Variants in ALK observed in about 807,000 individuals in gnomAD.
ALK encodes ALK receptor tyrosine kinase.
A neutral mutation model predicts 163.1 loss-of-function variants in ALK; 74 were observed. That is an observed-to-expected ratio of 0.45 (90% CI 0.38 to 0.55). ALK has a LOEUF of 0.55. Ranked by LOEUF, ALK falls within the 20% of genes least tolerant of loss-of-function variation. The pLI, the probability that ALK is intolerant of heterozygous loss-of-function variation, is 0.00. For missense variants in ALK, 2,063 were observed against 2,105.3 expected (o/e 0.98, Z 0.39); for synonymous variants, 960 against 843.2 (o/e 1.14, Z -2.40).
intron 1 of ALK, among the ~76,000 whole-genome samples, chr2:29,915,047 C>G (rs1217835510): frequency 6.6e-6 from 1 of 152,126 alleles, no homozygotes; most frequent in Non-Finnish European, 1.5e-5. Context: ...TTCCAAATAA[C>G]CATAACAGGA....
intron 1 of ALK, among the ~76,000 whole-genome samples, chr2:29,804,253 T>C (rs1025051944): frequency 6.6e-6 from 1 of 152,244 alleles, no homozygotes; most frequent in African/African-American, 2.4e-5. Flanking sequence ...CTGTTGCCAC[T>C]GGCCCCACAG....
At chr2:29,452,906 C>T (rs1267170721) in intron 4 of ALK, among the ~76,000 whole-genome samples, 1 of 152,084 alleles carries the variant, frequency 6.6e-6, no homozygotes, top group Admixed American at 6.6e-5. Flanking sequence ...AAATACCTGG[C>T]GATTCTATTC....
At chr2:29,546,333 C>T (rs536774323) in intron 3 of ALK, among the ~76,000 whole-genome samples, 2 of 152,230 alleles carry the variant, frequency 1.3e-5, no homozygotes, top group East Asian at 3.9e-4. Flanking sequence ...AAAGGCAAAG[C>T]AAATAAATAG....
At chr2:29,866,824 C>CAATT in intron 1 of ALK, among the ~76,000 whole-genome samples, 1 of 152,286 alleles carries the variant, frequency 6.6e-6, no homozygotes, top group Admixed American at 6.5e-5. Context: ...GGAAACTCCA[C>CAATT]AATTCTGCAT....
intron 3 of ALK, among the ~76,000 whole-genome samples, chr2:29,573,241 C>T (rs567348296): frequency 1.3e-5 from 2 of 152,298 alleles, no homozygotes; most frequent in Non-Finnish European, 2.9e-5. Context: ...TGGCTGATTA[C>T]CTGTTGCTTG....
At chr2:29,757,591 G>T (rs146462168) in intron 1 of ALK, among the ~76,000 whole-genome samples, 1 of 78,500 alleles carries the variant, frequency 1.3e-5, no homozygotes, top group African/African-American at 3.9e-5. Context: ...GTTTTTGTTT[G>T]TTTGTGTGTG....
At chr2:29,649,860 T>G (rs573793851) in intron 3 of ALK, among the ~76,000 whole-genome samples, 14 of 152,292 alleles carry the variant, frequency 9.2e-5, no homozygotes, top group African/African-American at 3.4e-4. Flanking sequence ...CCTGCTTTCC[T>G]CCCTGGCTAG....
chr2:29,730,194 G>C (rs1679701590), intron 1 of ALK, among the ~76,000 whole-genome samples: 1 of 152,156 alleles, frequency 6.6e-6, no homozygotes, highest in Non-Finnish European at 1.5e-5. Context: ...AGGCCTACGG[G>C]GATTTGGGAG....
At chr2:29,394,250 AT>A (rs1260507382) in intron 4 of ALK, among the ~76,000 whole-genome samples, 1 of 152,102 alleles carries the variant, frequency 6.6e-6, no homozygotes, top group East Asian at 1.9e-4. Flanking sequence ...TGTATAAAAA[AT>A]ATATAGAAGA....
chr2:29,567,495 C>A (rs1303862135), intron 3 of ALK, among the ~76,000 whole-genome samples: 1 of 152,180 alleles, frequency 6.6e-6, no homozygotes, highest in Non-Finnish European at 1.5e-5. Context: ...ATTGACACAG[C>A]TTTTGTCTAC....
At chr2:29,381,066 G>A (rs1419438353) in intron 5 of ALK, among the ~76,000 whole-genome samples, 1 of 152,214 alleles carries the variant, frequency 6.6e-6, no homozygotes, top group Non-Finnish European at 1.5e-5. Flanking sequence ...TTCCACAAAG[G>A]CAGCAGAGGC....
chr2:29,806,657 A>G (rs749382380), intron 1 of ALK, among the ~76,000 whole-genome samples: 1 of 152,156 alleles, frequency 6.6e-6, no homozygotes, highest in Non-Finnish European at 1.5e-5. Context: ...GGGTTTGTCA[A>G]AATAGATTGG....
intron 3 of ALK, among the ~76,000 whole-genome samples, chr2:29,584,171 G>A (rs1172968130): frequency 5.9e-5 from 9 of 152,038 alleles, no homozygotes; most frequent in Non-Finnish European, 8.8e-5. Context: ...GGAGACCCTA[G>A]GAAACATCTT....
At chr2:29,917,930 C>T (rs1263961290) in intron 1 of ALK, among the ~76,000 whole-genome samples, 1 of 152,220 alleles carries the variant, frequency 6.6e-6, no homozygotes, top group East Asian at 1.9e-4. Context: ...TGCATAAGGG[C>T]TTGGTCCAGC....
chr2:29,401,757 G>A (rs992564086), intron 4 of ALK, among the ~76,000 whole-genome samples: 1 of 152,208 alleles, frequency 6.6e-6, no homozygotes, highest in African/African-American at 2.4e-5. Flanking sequence ...CAAATTGGCC[G>A]TCTCATGGGC....
intron 3 of ALK, among the ~76,000 whole-genome samples, chr2:29,567,331 T>C (rs1223608356): frequency 4.6e-5 from 7 of 152,208 alleles, no homozygotes; most frequent in Admixed American, 4.6e-4. Flanking sequence ...GCCCCAGAAA[T>C]ACTGGCCTTT....
At chr2:29,494,581 G>A (rs529746425) in intron 4 of ALK, among the ~76,000 whole-genome samples, 1 of 152,280 alleles carries the variant, frequency 6.6e-6, no homozygotes, top group South Asian at 2.1e-4. Context: ...CCTTCTGCGC[G>A]GTGCCAGGCA....
intron 3 of ALK, among the ~76,000 whole-genome samples, chr2:29,591,303 C>T (rs1250693207): frequency 6.6e-6 from 1 of 152,078 alleles, no homozygotes; most frequent in Non-Finnish European, 1.5e-5. Flanking sequence ...TCATTCTTTC[C>T]TTTTAGTCCC....
chr2:29,770,938 T>TG (rs1681003864), intron 1 of ALK, among the ~76,000 whole-genome samples: 1 of 150,260 alleles, frequency 6.7e-6, no homozygotes, highest in South Asian at 2.1e-4. Context: ...CACACACACA[T>TG]AGACACACAG....
Sources: gnomAD v4.1 joint callset for allele counts (sites outside exome capture counted in the v4.1 genomes callset) on GRCh38, gnomAD v4.1.1 for gene constraint, MANE v1.5 for transcripts, NCBI Gene and HGNC (gene_info 2026-07-23, HGNC 2026-07-21) for gene names.